Variants in WDPCP observed in about 807,000 individuals in gnomAD.
WDPCP encodes the protein WD repeat containing planar cell polarity effector.
A neutral mutation model predicts 93.1 loss-of-function variants in WDPCP; 71 were observed. The ratio of observed to expected loss-of-function variants is 0.76; its 90% confidence interval spans 0.63 to 0.93. WDPCP has a LOEUF of 0.93. Among genes scored for constraint, WDPCP ranks in the 40% least tolerant of loss-of-function variants. The pLI, the probability that WDPCP is intolerant of heterozygous loss-of-function variation, is 0.00. For synonymous variants in WDPCP, 315 were observed against 315.0 expected (o/e 1.00, Z 0.00); for missense variants, 844 against 887.4 (o/e 0.95, Z 0.62).
At chr2:63,462,188 A>G (rs1415305389) in intron 6 of WDPCP, among the ~76,000 whole-genome samples, 1 of 152,212 alleles carries the variant, frequency 6.6e-6, no homozygotes, top group Non-Finnish European at 1.5e-5. Flanking sequence ...GGATGAGTTC[A>G]TGTCCTTTGT....
At chr2:63,718,240 T>C (rs1669365803) in intron 2 of WDPCP, among the ~76,000 whole-genome samples, 1 of 152,188 alleles carries the variant, frequency 6.6e-6, no homozygotes, top group Admixed American at 6.5e-5. Context: ...ATCTTTTTTA[T>C]ATAATGATTT....
At chr2:63,167,318 C>T (rs1673065441) in intron 15 of WDPCP, among the ~76,000 whole-genome samples, 1 of 152,084 alleles carries the variant, frequency 6.6e-6, no homozygotes, top group Non-Finnish European at 1.5e-5. Flanking sequence ...TTTCCTTGTG[C>T]TTTATTTTGG....
intron 13 of WDPCP, among the ~76,000 whole-genome samples, chr2:63,310,794 G>A (rs1489914540): frequency 1.3e-5 from 2 of 152,130 alleles, no homozygotes; most frequent in Admixed American, 1.3e-4. Context: ...AGGAGTTCAA[G>A]GTTATAGTGA....
At chr2:63,739,870 T>C (rs1211502615) in intron 2 of WDPCP, among the ~76,000 whole-genome samples, 4 of 152,110 alleles carry the variant, frequency 2.6e-5, no homozygotes, top group Non-Finnish European at 5.9e-5. Flanking sequence ...GTTGGCCACA[T>C]GTATACCTTC....
intron 13 of WDPCP, among the ~76,000 whole-genome samples, chr2:63,265,744 C>T (rs1007468887): frequency 9.2e-5 from 14 of 152,080 alleles, no homozygotes; most frequent in Non-Finnish European, 1.6e-4. Flanking sequence ...CTGATGAACA[C>T]AGATGCAAAA....
In WDPCP at chr2:63,602,934, C is replaced by CTTTTTTTTT. The variant is rs370479356; in HGVS notation, n.488+47716_488+47724dup. Reference sequence around the variant, plus strand: ...ACATAATACAGTTTATTTAACCGTTCTTTTTTTTTTTTTTTTTTTTTTTTT... The same window carrying CTTTTTTTTT: ...ACATAATACAGTTTATTTAACCGTTCTTTTTTTTTTTTTTTTTTTTTTTTTTTTTTTTTT... On this transcript the variant is annotated intron_variant and non_coding_transcript_variant, in intron 3 of 4. Coordinates refer to the WDPCP transcript ENST00000467687. Among the ~76,000 whole-genome samples, 142 of 131,560 alleles carry CTTTTTTTTT rather than the reference C, an allele frequency of 1.1e-3. 8 individuals carry two copies. Among genetic ancestry groups the CTTTTTTTTT allele is most frequent in the Middle Eastern group, 4.0e-3 (1 of 250 alleles). The allele number at this position is 131,560 out of a possible 152,430, so 86.3% of individuals were successfully genotyped here. A position where few individuals can be genotyped will look rare whatever the true frequency, so the allele number is the denominator to read the frequency against.
intron 2 of WDPCP, among the ~76,000 whole-genome samples, chr2:63,715,571 T>C (rs2103766810): frequency 6.6e-6 from 1 of 152,226 alleles, no homozygotes; most frequent in East Asian, 1.9e-4. Context: ...AGAAGAGCCA[T>C]TCTTTTCTCT....
intron 14 of WDPCP, among the ~76,000 whole-genome samples, chr2:63,218,890 T>A (rs1319219068): frequency 6.6e-6 from 1 of 152,202 alleles, no homozygotes; most frequent in Non-Finnish European, 1.5e-5. Context: ...AATGAAGTTT[T>A]TGTTATTAAT....
intron 14 of WDPCP, among the ~76,000 whole-genome samples, chr2:63,175,545 C>CT (rs1157911796): frequency 6.6e-6 from 1 of 152,114 alleles, no homozygotes; most frequent in African/African-American, 2.4e-5. Flanking sequence ...ATCTCCAGAA[C>CT]TTTTTTGTCT....
At chr2:63,632,308 G>A (rs1256282689) in intron 3 of WDPCP, among the ~76,000 whole-genome samples, 4 of 152,046 alleles carry the variant, frequency 2.6e-5, no homozygotes, top group Non-Finnish European at 5.9e-5. Flanking sequence ...ACATCAACAT[G>A]AGAACAAAAA....
intron 14 of WDPCP, among the ~76,000 whole-genome samples, chr2:63,199,618 A>G (rs62177762): frequency 1.3e-5 from 2 of 152,124 alleles, no homozygotes; most frequent in African/African-American, 4.8e-5. Context: ...TGGGAACGTC[A>G]GCCTACATTT....
At chr2:63,237,665 T>C (rs1230059529) in intron 14 of WDPCP, among the ~76,000 whole-genome samples, 2 of 152,148 alleles carry the variant, frequency 1.3e-5, no homozygotes, top group Non-Finnish European at 2.9e-5. Context: ...AATGAAATCA[T>C]GTCCTTTGCA....
chr2:63,809,213 C>T (rs1184865736), intron 2 of WDPCP, among the ~76,000 whole-genome samples: 5 of 151,646 alleles, frequency 3.3e-5, no homozygotes, highest in Admixed American at 1.3e-4. Flanking sequence ...AGGTGAGGGG[C>T]GCCTCTGCCC....
At position 63,509,589 on chromosome 2, in the gene WDPCP, T is replaced by A. The variant is rs537696170; in HGVS notation, c.76-16649A>T. On this transcript the variant is annotated intron_variant, in intron 1 of 17. Transcript: ENST00000272321. ...AGAAATAACTAAGATCAGAGCAGAATTGAAGGAGATAGAGACACAAAAAAC... is the reference window on the plus strand; with the variant it reads ...AGAAATAACTAAGATCAGAGCAGAAATGAAGGAGATAGAGACACAAAAAAC... 3.3e-5 allele frequency among the ~76,000 whole-genome samples: 5 copies of A among 151,910 alleles called. No homozygotes were observed. The South Asian group carries it at 1.0e-3, about 32-fold the overall frequency.
intron 12 of WDPCP, among the ~76,000 whole-genome samples, chr2:63,331,421 CTGTT>C (rs1007339394): frequency 2.0e-5 from 3 of 152,172 alleles, no homozygotes; most frequent in African/African-American, 4.8e-5. Context: ...AACAGTCTGA[CTGTT>C]TGGGTTAATT....
rs561954588 is a variant in WDPCP, at chr2:63,265,968, C to A, written c.1813-6559G>T. Among the ~76,000 whole-genome samples, 4 of 152,160 alleles carry A rather than the reference C, an allele frequency of 2.6e-5. No homozygotes were observed. The East Asian group carries it at 5.8e-4, about 22-fold the overall frequency. ...CACCTGACAAAATTCAACATCTGGT[C>A]ATGATAAAAACTCAAAAAAATATGG... On this transcript the variant is annotated intron_variant, in intron 13 of 17. Transcript: ENST00000272321.
chr2:63,300,951 G>T (rs1232994322), intron 13 of WDPCP, among the ~76,000 whole-genome samples: 1 of 151,848 alleles, frequency 6.6e-6, no homozygotes, highest in Non-Finnish European at 1.5e-5. Flanking sequence ...GGCATTTCCA[G>T]GTCTCTCTCT....
chr2:63,282,072 T>A (rs189645688), intron 13 of WDPCP, among the ~76,000 whole-genome samples: 2 of 152,152 alleles, frequency 1.3e-5, no homozygotes, highest in Admixed American at 1.3e-4. Flanking sequence ...CAGAAATAGA[T>A]AAAATAATCC....
chr2:63,558,820 C>A (rs1275927539), intron 1 of WDPCP, among the ~76,000 whole-genome samples: 1 of 152,040 alleles, frequency 6.6e-6, no homozygotes, highest in Admixed American at 6.6e-5. Flanking sequence ...ACGCCAGGAC[C>A]AAATGAATTT....
Sources: gnomAD v4.1 joint callset for allele counts (sites outside exome capture counted in the v4.1 genomes callset) on GRCh38, gnomAD v4.1.1 for gene constraint, MANE v1.5 for transcripts, NCBI Gene and HGNC (gene_info 2026-07-23, HGNC 2026-07-21) for gene names.